TCEA1: variants seen among roughly 807,000 people sequenced by gnomAD.
The protein encoded by TCEA1 is transcription elongation factor A protein 1.
Under a neutral mutation model 43.8 loss-of-function variants are expected in TCEA1, and 21 were observed. That is an observed-to-expected ratio of 0.48 (90% confidence interval 0.34 to 0.69). The LOEUF is 0.69. Ranked by LOEUF, TCEA1 falls within the 30% of genes least tolerant of loss-of-function variation. The probability of loss-of-function intolerance (pLI) is 0.01; values close to 1 mark genes in which losing one functional copy is unlikely to be tolerated. For missense variants in TCEA1, 250 were observed against 365.1 expected (o/e 0.68, Z 2.57); for synonymous variants, 104 against 117.5 (o/e 0.88, Z 0.75).
intron 2 of TCEA1, among the ~76,000 whole-genome samples, chr8:54,001,271 A>G (rs1213771997): frequency 1.3e-5 from 2 of 152,168 alleles, no homozygotes; most frequent in Non-Finnish European, 2.9e-5. Context: ...AACAAAAGGA[A>G]TTCTTAGTGG....
intron 3 of TCEA1, 160 bp downstream of exon 3, chr8:53,999,785 T>C: frequency 1.8e-6 from 1 of 540,554 alleles, no homozygotes; most frequent in South Asian, 3.3e-5. Flanking sequence ...ACCCTAAAGA[T>C]CAAATTAACT....
chr8:53,971,775 C>A, intron 8 of TCEA1: 1 of 237,786 alleles, frequency 4.2e-6, no homozygotes, highest in Non-Finnish European at 7.9e-6. Context: ...GAAGAAAAAA[C>A]TCCAGACTAA....
At chr8:54,007,091 C>T (rs12155775) in intron 2 of TCEA1, among the ~76,000 whole-genome samples, 9,031 of 152,226 alleles carry the variant, frequency 0.059, 360 homozygotes, top group Non-Finnish European at 0.089. Context: ...ATCCACCCAC[C>T]TCCAGCTTCC....
At chr8:53,980,463 T>C (rs73680391) in intron 7 of TCEA1, among the ~76,000 whole-genome samples, 3,414 of 152,360 alleles carry the variant, frequency 0.022, 121 homozygotes, top group African/African-American at 0.077. Context: ...CATGTGCTCA[T>C]TTCATGTCTC....
intron 8 of TCEA1, among the ~76,000 whole-genome samples, chr8:53,974,687 C>A (rs562676574): frequency 1.7e-3 from 264 of 152,142 alleles, no homozygotes; most frequent in African/African-American, 6.0e-3. Flanking sequence ...GCCAACACGC[C>A]TGCCTAATTT....
chr8:53,987,924 C>T (rs532435011), intron 5 of TCEA1, among the ~76,000 whole-genome samples, 190 bp downstream of exon 5: 1 of 152,276 alleles, frequency 6.6e-6, no homozygotes, highest in East Asian at 1.9e-4. Flanking sequence ...TAGTAATAAG[C>T]AAATGCCCCA....
In TCEA1 at chr8:53,973,092, G is replaced by A. The variant is rs191746637; in HGVS notation, c.826-2629C>T. The A allele has an allele frequency of 3.8e-3, 2,483 of 656,238 alleles. 8 individuals are homozygous for A. The highest frequency in any genetic ancestry group is 8.7e-3 in the Admixed American group (465 of 53,402). The allele number at this position is 656,238 out of a possible 1,614,324, so 40.7% of individuals were successfully genotyped here. ...TCAAGACTACTTAGCTTCCTCTAGC[G>A]AAAATGAAGAGGAGATAGAAGAGGA... is the stretch of plus-strand genomic sequence containing the variant. On this transcript the variant is annotated intron_variant, in intron 8 of 9. Coordinates refer to ENST00000521604, the MANE Select transcript of TCEA1 (RefSeq NM_006756.4).
intron 8 of TCEA1, among the ~76,000 whole-genome samples, chr8:53,976,723 T>A (rs1431372725): frequency 6.6e-6 from 1 of 152,172 alleles, no homozygotes. Flanking sequence ...ATAGATGGCA[T>A]TTTTTAGGGT....
chr8:53,999,821 G>A, intron 3 of TCEA1, 124 bp downstream of exon 3: 1 of 699,900 alleles, frequency 1.4e-6, no homozygotes, highest in Non-Finnish European at 2.4e-6. Flanking sequence ...ACGAGGCACT[G>A]CTTTCAGTAT....
In TCEA1 at chr8:53,999,913, C is replaced by T. The variant is rs987755334; in HGVS notation, c.232+32G>A. 6.7e-6 allele frequency: 9 copies of T among 1,336,870 alleles called. No homozygotes were observed. The East Asian group carries it at 1.4e-4, about 21-fold the overall frequency. 82.8% of individuals were successfully genotyped at this position (1,336,870 alleles called of 1,614,324 possible). The stretch of plus-strand genomic sequence containing the variant: ...TAACTATTTGAATAAATCACAACAT[C>T]ATAAATATATGTAAGGGAAGATCAA... On this transcript the variant is annotated intron_variant, in intron 3 of 9. Transcript: ENST00000521604.
rs189953936 is a variant in TCEA1 at position 53,997,706 on chromosome 8, C to T, written c.232+2239G>A. Among the ~76,000 whole-genome samples, 4 of 152,186 alleles carry T rather than the reference C, an allele frequency of 2.6e-5. No individual in the cohort carries two copies. The East Asian group carries it at 7.7e-4, about 29-fold the overall frequency. On this transcript the variant is annotated intron_variant, in intron 3 of 9. Transcript: ENST00000521604. The stretch of plus-strand genomic sequence containing the variant: ...TTGAGCCCAAGAGTCCAAGACCAGC[C>T]TTAGCAACATAGTGAGACTCTGTCT...
chr8:53,981,583 A>G (rs1744414355), intron 7 of TCEA1, among the ~76,000 whole-genome samples: 1 of 152,232 alleles, frequency 6.6e-6, no homozygotes, highest in South Asian at 2.1e-4. Flanking sequence ...CCTACTGCTC[A>G]GAAAAAAGAT....
intron 1 of TCEA1, among the ~76,000 whole-genome samples, chr8:54,011,190 T>C (rs894705290): frequency 1.3e-5 from 2 of 152,216 alleles, no homozygotes; most frequent in Non-Finnish European, 2.9e-5. Flanking sequence ...TGTAAAAACA[T>C]ACATATAAGT....
intron 3 of TCEA1, among the ~76,000 whole-genome samples, chr8:53,995,974 CCAAAGATG>C (rs1464566325): frequency 6.6e-6 from 1 of 152,090 alleles, no homozygotes; most frequent in Non-Finnish European, 1.5e-5. Context: ...GGCTCAAATC[CCAAAGATG>C]CTATAGTACT....
intron 7 of TCEA1, among the ~76,000 whole-genome samples, chr8:53,980,437 G>A (rs1027402811): frequency 3.3e-5 from 5 of 152,274 alleles, no homozygotes; most frequent in East Asian, 3.9e-4. Context: ...ATCTATTGGC[G>A]CTATTTTTCC....
At chr8:54,001,156 T>C (rs377470119) in intron 2 of TCEA1, among the ~76,000 whole-genome samples, 2 of 152,228 alleles carry the variant, frequency 1.3e-5, no homozygotes, top group East Asian at 3.9e-4. Flanking sequence ...ACAAAAGCTA[T>C]GACAGCCCAA....
At chr8:53,981,701 C>A (rs1204120209) in intron 7 of TCEA1, among the ~76,000 whole-genome samples, 1 of 152,044 alleles carries the variant, frequency 6.6e-6, no homozygotes, top group Non-Finnish European at 1.5e-5. Flanking sequence ...TATTTTCATG[C>A]CTGCTAACAA....
chr8:54,006,916 C>T (rs1377681433), intron 2 of TCEA1, among the ~76,000 whole-genome samples: 3 of 152,172 alleles, frequency 2.0e-5, no homozygotes, highest in Non-Finnish European at 4.4e-5. Context: ...TGACTCACTG[C>T]AACCTCCGCC....
chr8:53,981,051 A>G (rs1803484871), intron 7 of TCEA1, among the ~76,000 whole-genome samples: 1 of 152,182 alleles, frequency 6.6e-6, no homozygotes, highest in African/African-American at 2.4e-5. Flanking sequence ...TAATCCAGAA[A>G]AAGGCCTTAA....
Sources: allele counts gnomAD v4.1 joint callset (sites outside exome capture counted in the v4.1 genomes callset), GRCh38; gene constraint gnomAD v4.1.1; transcripts MANE v1.5; gene names NCBI Gene and HGNC (gene_info 2026-07-23, HGNC 2026-07-21).